Variants in FAM168A observed in about 807,000 individuals in gnomAD.
FAM168A encodes family with sequence similarity 168 member A, also known as protein FAM168A.
FAM168A carries 3 observed loss-of-function variants against 28.5 expected under a neutral mutation model. The ratio of observed to expected loss-of-function variants is 0.11; its 90% CI spans 0.05 to 0.27. The LOEUF (loss-of-function observed/expected upper bound fraction) is 0.27, where lower values mean the gene tolerates loss of function less well. Among genes scored for constraint, FAM168A ranks in the 10% least tolerant of loss-of-function variants. The pLI is 1.00. For missense variants in FAM168A, 222 were observed against 311.5 expected (o/e 0.71, Z 2.16); for synonymous variants, 122 against 124.2 (o/e 0.98, Z 0.12).
At chr11:73,420,101 C>A in intron 3 of FAM168A, 102 bp from the exon 4 acceptor site, 8 of 1,417,942 alleles carry the variant, frequency 5.6e-6, no homozygotes, top group Non-Finnish European at 7.7e-6. Flanking sequence ...AAACATACAA[C>A]CCAAGGGGCC....
At chr11:73,419,840 AG>A (rs778177342) in intron 4 of FAM168A, 33 bp downstream of exon 4, 1 of 1,612,116 alleles carries the variant, frequency 6.2e-7, no homozygotes, top group Non-Finnish European at 8.5e-7. Flanking sequence ...GTCCCAACCA[AG>A]GGGAACAAGG....
At position 73,587,152 on chromosome 11, in the gene FAM168A, T is replaced by TAAAAA. The variant is rs1158411875; in HGVS notation, c.-19+10766_-19+10770dup. ...GTCATTGCATTCTTCATGGACATGT[T>TAAAAA]AAAAAAAAAAAAAAAAAAAAAAAAA... On this transcript the variant is annotated intron_variant, in intron 1 of 7. Transcript: ENST00000356467. 2.9e-3 allele frequency among the ~76,000 whole-genome samples: 238 copies of TAAAAA among 81,374 alleles called. 14 individuals are homozygous for TAAAAA. The highest frequency in any genetic ancestry group is 0.011 in the African/African-American group (224 of 19,900). 53.4% of individuals were successfully genotyped at this position (81,374 alleles called of 152,430 possible).
intron 1 of FAM168A, among the ~76,000 whole-genome samples, chr11:73,578,892 G>A (rs189876144): frequency 1.3e-5 from 2 of 152,156 alleles, no homozygotes; most frequent in Non-Finnish European, 2.9e-5. Context: ...CAATAGCAAT[G>A]CTATCCATCT....
intron 3 of FAM168A, among the ~76,000 whole-genome samples, chr11:73,424,497 C>T (rs1323099103): frequency 6.6e-6 from 1 of 152,052 alleles, no homozygotes; most frequent in South Asian, 2.1e-4. Flanking sequence ...GCACGCTGCC[C>T]CCCCCACCTC....
intron 4 of FAM168A, among the ~76,000 whole-genome samples, chr11:73,418,566 G>A (rs934118906): frequency 6.6e-6 from 1 of 152,146 alleles, no homozygotes; most frequent in Admixed American, 6.5e-5. Context: ...TAACACAGAT[G>A]TTTTAAAGAA....
chr11:73,596,130 T>G (rs1482465809), intron 1 of FAM168A, among the ~76,000 whole-genome samples: 2 of 152,228 alleles, frequency 1.3e-5, no homozygotes, highest in Non-Finnish European at 2.9e-5. Context: ...AAGCTCTTTT[T>G]GCCTATGTGC....
At chr11:73,430,960 A>G in intron 2 of FAM168A, among the ~76,000 whole-genome samples, 190 bp from the exon 3 acceptor site, 1 of 152,174 alleles carries the variant, frequency 6.6e-6, no homozygotes, top group East Asian at 1.9e-4. Flanking sequence ...AAAGTTACCA[A>G]TACCAAAATC....
In FAM168A at chr11:73,496,909, A is replaced by G. The variant is rs566881707; in HGVS notation, c.-18-28417T>C. ...CACACACACACACACACACACACGC[A>G]CACACACGCACACACACACACAGTT... is the stretch of plus-strand genomic sequence containing the variant. On this transcript the variant is annotated intron_variant, in intron 1 of 7. Transcript: ENST00000356467. Among the ~76,000 whole-genome samples, 48 of 147,424 alleles carry G rather than the reference A, an allele frequency of 3.3e-4. No homozygotes were observed. The Middle Eastern group carries it at 0.011, about 34-fold the overall frequency.
At chr11:73,583,172 G>A (rs1332203772) in intron 1 of FAM168A, among the ~76,000 whole-genome samples, 1 of 152,072 alleles carries the variant, frequency 6.6e-6, no homozygotes. Flanking sequence ...GCATGGTGGT[G>A]CATACCTGTA....
chr11:73,435,190 C>A (rs545839560), intron 2 of FAM168A, among the ~76,000 whole-genome samples: 11 of 152,340 alleles, frequency 7.2e-5, no homozygotes, highest in Admixed American at 7.2e-4. Context: ...CTCTTTACCC[C>A]CTGATCATTT....
intron 1 of FAM168A, among the ~76,000 whole-genome samples, chr11:73,555,863 C>G (rs1164232772): frequency 6.6e-6 from 1 of 152,128 alleles, no homozygotes; most frequent in Non-Finnish European, 1.5e-5. Flanking sequence ...AGAATGTAAC[C>G]TCCAAGGACC....
intron 1 of FAM168A, among the ~76,000 whole-genome samples, chr11:73,484,869 C>T (rs1048031872): frequency 6.6e-6 from 1 of 151,638 alleles, no homozygotes; most frequent in Non-Finnish European, 1.5e-5. Flanking sequence ...ACCTGGAGTC[C>T]GATGTTCAAG....
At chr11:73,474,013 T>C (rs1165316320) in intron 1 of FAM168A, among the ~76,000 whole-genome samples, 2 of 152,134 alleles carry the variant, frequency 1.3e-5, no homozygotes, top group Non-Finnish European at 2.9e-5. Context: ...TTTCACCATG[T>C]TGGCCAGGCT....
intron 1 of FAM168A, among the ~76,000 whole-genome samples, chr11:73,509,523 C>T (rs1049400360): frequency 6.6e-6 from 1 of 152,142 alleles, no homozygotes; most frequent in Non-Finnish European, 1.5e-5. Flanking sequence ...CAAAGCACCA[C>T]ATATTAAGTA....
chr11:73,467,482 T>G (rs1017028270), intron 2 of FAM168A, among the ~76,000 whole-genome samples: 1 of 152,034 alleles, frequency 6.6e-6, no homozygotes, highest in Non-Finnish European at 1.5e-5. Context: ...AGAGATAAAG[T>G]CTGTTCCCTT....
rs568243487 is a variant in FAM168A at position 73,409,366 on chromosome 11, C to G, written c.595+121G>C. 1.7e-5 allele frequency: 22 copies of G among 1,323,816 alleles called. No homozygotes were observed. The South Asian group carries it at 3.2e-4, about 19-fold the overall frequency. 82.0% of individuals were successfully genotyped at this position (1,323,816 alleles called of 1,614,324 possible). A position where few individuals can be genotyped will look rare whatever the true frequency, so the allele number is the denominator to read the frequency against. On this transcript the variant is annotated intron_variant, in intron 6 of 7. Coordinates refer to ENST00000356467, the MANE Select transcript of FAM168A (RefSeq NM_015159.3). ...TTTAGAGGCTCCTTCCTCTGGGTTC[C>G]CAAGCCCCCTGGCACAGGATCTCTT...
chr11:73,474,291 G>C (rs572710279), intron 1 of FAM168A, among the ~76,000 whole-genome samples: 1 of 152,068 alleles, frequency 6.6e-6, no homozygotes, highest in African/African-American at 2.4e-5. Flanking sequence ...GGAAGGGCAA[G>C]AGAGAGAATC....
At chr11:73,408,573 G>A (rs745746405) in intron 6 of FAM168A, among the ~76,000 whole-genome samples, 14 of 152,036 alleles carry the variant, frequency 9.2e-5, no homozygotes, top group Admixed American at 2.6e-4. Flanking sequence ...GAGCCCAAGA[G>A]TTCAAGACCA....
intron 2 of FAM168A, chr11:73,452,277 G>C (rs1048343894): frequency 6.6e-6 from 1 of 152,228 alleles, no homozygotes; most frequent in Non-Finnish European, 1.5e-5. Context: ...GTGTAACCTG[G>C]AACTGTGACC....
Sources: gnomAD v4.1 joint callset for allele counts (sites outside exome capture counted in the v4.1 genomes callset) on GRCh38, gnomAD v4.1.1 for gene constraint, MANE v1.5 for transcripts, NCBI Gene and HGNC (gene_info 2026-07-23, HGNC 2026-07-21) for gene names.